Variants in C1orf87 observed in about 807,000 individuals in gnomAD.
The protein encoded by C1orf87 is chromosome 1 open reading frame 87.
Under a neutral mutation model 60.5 loss-of-function variants are expected in C1orf87, and 58 were observed. The ratio of observed to expected loss-of-function variants is 0.96; its 90% CI spans 0.78 to 1.19. C1orf87 has a LOEUF of 1.19. Among genes scored for constraint, C1orf87 ranks in the 50% most tolerant of loss-of-function variants. C1orf87 has a pLI of 0.00. For synonymous variants in C1orf87, 236 were observed against 227.4 expected (o/e 1.04, Z -0.34); for missense variants, 673 against 638.6 (o/e 1.05, Z -0.58).
At chr1:60,067,963 C>T (rs1273381404) in intron 2 of C1orf87, among the ~76,000 whole-genome samples, 2 of 152,072 alleles carry the variant, frequency 1.3e-5, no homozygotes, top group African/African-American at 4.8e-5. Context: ...TTCCCAGCAC[C>T]ATCTATTAAA....
intron 8 of C1orf87, among the ~76,000 whole-genome samples, chr1:60,018,225 T>C (rs12126158): frequency 0.15 from 22,676 of 152,282 alleles, 1,797 homozygotes; most frequent in Non-Finnish European, 0.17. Context: ...TACAAAGCCC[T>C]TAACAAAATG....
chr1:60,051,098 T>C (rs1411772748), intron 3 of C1orf87, among the ~76,000 whole-genome samples: 1 of 152,042 alleles, frequency 6.6e-6, no homozygotes, highest in Admixed American at 6.5e-5. Flanking sequence ...GGATTTGAGG[T>C]GAAAGGGAAC....
At chr1:60,066,709 G>A (rs1255081431) in intron 2 of C1orf87, among the ~76,000 whole-genome samples, 1 of 151,742 alleles carries the variant, frequency 6.6e-6, no homozygotes, top group African/African-American at 2.4e-5. Context: ...TAAGTTCTGG[G>A]ATACATGTGC....
At chr1:60,002,427 C>T (rs951002162) in intron 9 of C1orf87, among the ~76,000 whole-genome samples, 2 of 152,004 alleles carry the variant, frequency 1.3e-5, no homozygotes, top group South Asian at 2.1e-4. Context: ...GCATAAATGT[C>T]TTCTTTTGAG....
At chr1:60,064,321 T>C (rs1001842583) in intron 2 of C1orf87, among the ~76,000 whole-genome samples, 1 of 143,126 alleles carries the variant, frequency 7.0e-6, no homozygotes, top group African/African-American at 2.5e-5. Context: ...ATATAAATTA[T>C]ATATTATATA....
chr1:60,023,903 T>C (rs1357239653), intron 8 of C1orf87, among the ~76,000 whole-genome samples: 1 of 152,186 alleles, frequency 6.6e-6, no homozygotes, highest in Admixed American at 6.5e-5. Flanking sequence ...TTAGTGTTTT[T>C]CACATTATTA....
intron 9 of C1orf87, among the ~76,000 whole-genome samples, chr1:60,008,286 A>G (rs1191369215): frequency 2.0e-5 from 3 of 152,080 alleles, no homozygotes. Context: ...TATTTTGCCC[A>G]TTTTAGATAT....
chr1:60,070,819 T>A (rs1392028503), intron 2 of C1orf87, among the ~76,000 whole-genome samples: 1 of 152,180 alleles, frequency 6.6e-6, no homozygotes, highest in Non-Finnish European at 1.5e-5. Context: ...CACCTTCCTA[T>A]AAGATAAAGC....
chr1:60,065,029 A>ATATATATATATTATAT lies in C1orf87; in HGVS notation c.107+7507_107+7508insATATAATATATATATA, dbSNP rs1491291377. On this transcript the variant is annotated intron_variant, in intron 2 of 11. Transcript: ENST00000371201. ...AAATATATATTAAATATATATATTT[A>ATATATATATATTATAT]ATATATATATTTAATAATATATAAA... is the stretch of plus-strand genomic sequence containing the variant. 2.8e-3 allele frequency among the ~76,000 whole-genome samples: 326 copies of ATATATATATATTATAT among 116,138 alleles called. 1 individual carries two copies. The highest frequency in any genetic ancestry group is 8.2e-3 in the African/African-American group (245 of 29,848). 76.2% of individuals were successfully genotyped at this position (116,138 alleles called of 152,430 possible).
At chr1:60,043,451 G>A (rs1436908731) in intron 3 of C1orf87, among the ~76,000 whole-genome samples, 1 of 151,960 alleles carries the variant, frequency 6.6e-6, no homozygotes, top group Non-Finnish European at 1.5e-5. Flanking sequence ...GCGCGATCTC[G>A]GCTCACTGCA....
At chr1:60,006,528 T>TA (rs1205074802) in intron 9 of C1orf87, among the ~76,000 whole-genome samples, 4 of 152,052 alleles carry the variant, frequency 2.6e-5, no homozygotes, top group Non-Finnish European at 5.9e-5. Context: ...ATGAGCCTCT[T>TA]ACGCTACTCC....
chr1:60,054,853 G>A (rs965353331), intron 3 of C1orf87, among the ~76,000 whole-genome samples: 5 of 152,050 alleles, frequency 3.3e-5, no homozygotes, highest in Non-Finnish European at 7.4e-5. Flanking sequence ...TTTTTGTAAT[G>A]TAAAAGCAGA....
intron 2 of C1orf87, 120 bp from the exon 3 acceptor site, chr1:60,055,558 G>T: frequency 1.3e-6 from 1 of 755,710 alleles, no homozygotes; most frequent in Non-Finnish European, 2.2e-6. Flanking sequence ...ACAGTGGAAT[G>T]TGGAAGCATA....
At position 60,055,300 on chromosome 1, in the gene C1orf87, A is replaced by G. The variant is rs1325043135; in HGVS notation, c.246T>C (p.Asp82=). ...TDQQTTDNPD[D]VKEKKHPENN... is the part of the protein sequence containing the mutation. ...TCTCTGGGTGCTTTTTCTCTTTCAC[A>G]TCATCTGGATTATCAGTGGTTTGCT... The change falls in exon 3 of 12, where the codon GAT becomes GAC. Residue 82 remains aspartate, a synonymous_variant. Coordinates refer to ENST00000371201, the MANE Select transcript of C1orf87 (RefSeq NM_152377.3). 3.1e-6 allele frequency: 5 copies of G among 1,614,038 alleles called. No individual in the cohort carries two copies. The highest frequency in any genetic ancestry group is 2.2e-5 in the South Asian group (2 of 91,072).
At chr1:59,997,193 G>A (rs993041678) in intron 11 of C1orf87, among the ~76,000 whole-genome samples, 1 of 152,266 alleles carries the variant, frequency 6.6e-6, no homozygotes, top group East Asian at 1.9e-4. Context: ...GGCAAGGCAA[G>A]TTATTCATTA....
intron 3 of C1orf87, among the ~76,000 whole-genome samples, chr1:60,044,030 T>C (rs1645346999): frequency 6.6e-6 from 1 of 152,158 alleles, no homozygotes; most frequent in Non-Finnish European, 1.5e-5. Flanking sequence ...TGTTTGTTTG[T>C]TTTCTGTTTG....
In C1orf87 at chr1:59,990,563, G is replaced by GC. The variant is rs1470541980; in HGVS notation, c.*109dup. On this transcript the variant is annotated 3_prime_UTR_variant, in exon 12 of 12. Transcript: ENST00000371201. ...AAAAGCATCTACAATAGCTGCATCG[G>GC]CCTCCACTCTGACAATGCCTCCGCC... The GC allele has an allele frequency of 1.6e-6, 2 of 1,289,528 alleles. No homozygotes were observed. The highest frequency in any genetic ancestry group is 4.0e-5 in the Admixed American group (2 of 49,652). 79.9% of individuals were successfully genotyped at this position (1,289,528 alleles called of 1,614,324 possible). A position where few individuals can be genotyped will look rare whatever the true frequency, so the allele number is the denominator to read the frequency against.
At chr1:60,027,219 C>A (rs1441074097) in intron 7 of C1orf87, among the ~76,000 whole-genome samples, 1 of 152,166 alleles carries the variant, frequency 6.6e-6, no homozygotes, top group African/African-American at 2.4e-5. Context: ...CTTTTATCAG[C>A]TAACCAACTT....
In C1orf87 at chr1:60,033,442, C is replaced by G. The variant is rs1399199455; in HGVS notation, c.1029+34G>C. 3 of 1,599,708 alleles carry G rather than the reference C, an allele frequency of 1.9e-6. No individual in the cohort carries two copies. The Admixed American group carries it at 5.0e-5, about 27-fold the overall frequency. ...ACCCAATGCCCTGAAGTGGCCTTTACAGAGGAACAAATCTGAAATTGAATT... is the reference window on the plus strand; with the variant it reads ...ACCCAATGCCCTGAAGTGGCCTTTAGAGAGGAACAAATCTGAAATTGAATT... On this transcript the variant is annotated intron_variant, in intron 7 of 11. Coordinates refer to ENST00000371201, the MANE Select transcript of C1orf87 (RefSeq NM_152377.3).
Sources: gnomAD v4.1 joint callset for allele counts (sites outside exome capture counted in the v4.1 genomes callset) on GRCh38, gnomAD v4.1.1 for gene constraint, MANE v1.5 for transcripts, NCBI Gene and HGNC (gene_info 2026-07-23, HGNC 2026-07-21) for gene names.